Variants in CFAP20DC observed in about 807,000 individuals in gnomAD.
CFAP20DC encodes protein CFAP20DC.
Under a neutral mutation model 101.7 loss-of-function variants are expected in CFAP20DC, and 84 were observed. The ratio of observed to expected loss-of-function variants is 0.83; its 90% CI spans 0.69 to 0.99. The LOEUF (loss-of-function observed/expected upper bound fraction) is 0.99. Ranked by LOEUF, CFAP20DC falls within the 50% of genes least tolerant of loss-of-function variation. The pLI, the probability that CFAP20DC is intolerant of heterozygous loss-of-function variation, is 0.00. For synonymous variants in CFAP20DC, 359 were observed against 351.2 expected (o/e 1.02, Z -0.25); for missense variants, 1,007 against 970.3 (o/e 1.04, Z -0.50).
chr3:59,045,774 A>AT (rs1699805477), intron 3 of CFAP20DC, among the ~76,000 whole-genome samples: 1 of 152,024 alleles, frequency 6.6e-6, no homozygotes, highest in Non-Finnish European at 1.5e-5. Context: ...CTTCTGATAC[A>AT]TTTTTTCTCA....
At chr3:59,046,598 T>A (rs1427174409) in intron 2 of CFAP20DC, among the ~76,000 whole-genome samples, 2 of 151,576 alleles carry the variant, frequency 1.3e-5, no homozygotes, top group African/African-American at 4.9e-5. Context: ...GGGAGATAAA[T>A]AAAATAAATA....
At chr3:58,741,678 A>C (rs1194847860), downstream of CFAP20DC, among the ~76,000 whole-genome samples, 3 of 151,924 alleles carry the variant, frequency 2.0e-5, no homozygotes, top group Non-Finnish European at 4.4e-5. Flanking sequence ...TTGTATTTTT[A>C]GTAGAGATGG....
intron 6 of CFAP20DC, among the ~76,000 whole-genome samples, chr3:58,902,199 GA>G (rs2083207512): frequency 6.6e-6 from 1 of 152,146 alleles, no homozygotes; most frequent in Non-Finnish European, 1.5e-5. Flanking sequence ...ATTTGTTGAT[GA>G]ACACTTGGGC....
rs559212088 is a variant in CFAP20DC at position 59,007,140 on chromosome 3, A to G, written c.278+32417T>C. On this transcript the variant is annotated intron_variant, in intron 4 of 16. Transcript: ENST00000482387. The surrounding 1 kb of genome is among the most constrained non-coding windows in gnomAD (Gnocchi z 4.4). The stretch of plus-strand genomic sequence containing the variant: ...ATACTTCCCTCTGGAACAAAACCCC[A>G]TTGGCCTGAGAACCACCCCCAACTC... Among the ~76,000 whole-genome samples, 5 of 152,058 alleles carry G rather than the reference A, an allele frequency of 3.3e-5. No individual in the cohort carries two copies. The highest frequency in any genetic ancestry group is 1.2e-4 in the African/African-American group (5 of 41,394).
intron 4 of CFAP20DC, among the ~76,000 whole-genome samples, chr3:58,984,756 T>C (rs1392616900): frequency 2.6e-5 from 4 of 152,278 alleles, no homozygotes; most frequent in East Asian, 3.9e-4. Flanking sequence ...CATTTGGATA[T>C]AGCACCACAG....
rs1218139639 is a variant in CFAP20DC at position 58,728,511 on chromosome 3, G to A, written c.198-10883C>T. On this transcript the variant is annotated intron_variant, in intron 3 of 3. Transcript: ENST00000486145. The surrounding 1 kb of genome is among the most constrained non-coding windows in gnomAD (Gnocchi z 4.7). ...TCTTTCAGATATTATTTGGGTTAAT[G>A]AGGAAATTGGACATGGCCTTAGGAT... is the stretch of plus-strand genomic sequence containing the variant. Among the ~76,000 whole-genome samples, 4 of 152,218 alleles carry A rather than the reference G, an allele frequency of 2.6e-5. No individual in the cohort carries two copies. Among genetic ancestry groups the A allele is most frequent in the Non-Finnish European group, 5.9e-5 (4 of 68,038 alleles).
At chr3:58,915,435 C>T (rs1046474247) in intron 5 of CFAP20DC, among the ~76,000 whole-genome samples, 1 of 152,036 alleles carries the variant, frequency 6.6e-6, no homozygotes, top group African/African-American at 2.4e-5. Flanking sequence ...AAACGTGGTT[C>T]CTAGTCCTAA....
At chr3:58,963,527 G>A (rs764847623) in intron 4 of CFAP20DC, among the ~76,000 whole-genome samples, 11 of 151,772 alleles carry the variant, frequency 7.2e-5, no homozygotes, top group Non-Finnish European at 1.2e-4. Context: ...TACTACCCTT[G>A]GGAAAGATAA....
At chr3:58,719,732 C>T (rs1431731371) in intron 3 of CFAP20DC, among the ~76,000 whole-genome samples, 1 of 152,220 alleles carries the variant, frequency 6.6e-6, no homozygotes, top group African/African-American at 2.4e-5. Flanking sequence ...TCCCAAAGAG[C>T]CAGCTCAGGC....
chr3:58,828,844 G>A (rs1194375948), intron 14 of CFAP20DC, among the ~76,000 whole-genome samples: 2 of 152,008 alleles, frequency 1.3e-5, no homozygotes, highest in African/African-American at 4.8e-5. Flanking sequence ...TGGGATTAAG[G>A]GGAAAAAAGA....
intron 5 of CFAP20DC, 137 bp downstream of exon 5, chr3:58,937,511 G>A (rs2087873245): frequency 1.6e-6 from 1 of 631,668 alleles, no homozygotes; most frequent in Non-Finnish European, 2.8e-6. Context: ...CAAGAGAGGG[G>A]AAGGAAGGCC....
At chr3:59,005,228 C>T (rs2108793633) in intron 4 of CFAP20DC, among the ~76,000 whole-genome samples, 1 of 152,198 alleles carries the variant, frequency 6.6e-6, no homozygotes. Flanking sequence ...TTTCCTTGGC[C>T]TCAGCTCTAG....
chr3:59,020,183 A>T (rs1219610246), intron 4 of CFAP20DC, among the ~76,000 whole-genome samples: 1 of 152,146 alleles, frequency 6.6e-6, no homozygotes, highest in Admixed American at 6.5e-5. Context: ...GTTTTAAATC[A>T]CTCAGTGTTA....
chr3:58,934,658 C>T (rs2087259467), intron 5 of CFAP20DC, among the ~76,000 whole-genome samples: 1 of 152,088 alleles, frequency 6.6e-6, no homozygotes, highest in South Asian at 2.1e-4. Context: ...ATAAACAGAA[C>T]CAAAGACAAA....
At chr3:58,940,876 A>G (rs2088456641) in intron 4 of CFAP20DC, among the ~76,000 whole-genome samples, 1 of 152,178 alleles carries the variant, frequency 6.6e-6, no homozygotes, top group Non-Finnish European at 1.5e-5. Context: ...AATGATACTG[A>G]TCATGTCTAC....
At position 58,892,739 on chromosome 3, in the gene CFAP20DC, T is replaced by A. The variant is rs911978937; in HGVS notation, c.551-8030A>T. On this transcript the variant is annotated intron_variant, in intron 6 of 16. Coordinates refer to ENST00000482387, the MANE Select transcript of CFAP20DC (RefSeq NM_001394063.1). The surrounding 1 kb of genome is among the most constrained non-coding windows in gnomAD (Gnocchi z 4.0). Reference sequence around the variant, plus strand: ...CAGCTTAAAAAGCTTTAGGCTGAGATGATGCGGTTTTCTAGATATAGGATC... The same window carrying A: ...CAGCTTAAAAAGCTTTAGGCTGAGAAGATGCGGTTTTCTAGATATAGGATC... 6.6e-6 allele frequency among the ~76,000 whole-genome samples: 1 copy of A among 152,224 alleles called. No homozygotes were observed. The highest frequency in any genetic ancestry group is 1.5e-5 in the Non-Finnish European group (1 of 68,032).
At chr3:58,928,220 C>G (rs773608865) in intron 5 of CFAP20DC, among the ~76,000 whole-genome samples, 2 of 152,042 alleles carry the variant, frequency 1.3e-5, no homozygotes, top group African/African-American at 4.8e-5. Context: ...GGAAAACAGA[C>G]AAGTAAATAG....
chr3:58,973,706 A>G (rs2092094598), intron 4 of CFAP20DC, among the ~76,000 whole-genome samples: 1 of 152,212 alleles, frequency 6.6e-6, no homozygotes, highest in Non-Finnish European at 1.5e-5. Context: ...GACTATCATG[A>G]AACAATTCCT....
At chr3:59,039,110 G>T (rs947347862) in intron 4 of CFAP20DC, among the ~76,000 whole-genome samples, 3 of 151,866 alleles carry the variant, frequency 2.0e-5, no homozygotes, top group Admixed American at 1.3e-4. Context: ...CAAATATATT[G>T]CTAGCTGCTA....
Sources: allele counts gnomAD v4.1 joint callset (sites outside exome capture counted in the v4.1 genomes callset), GRCh38; gene constraint gnomAD v4.1.1; non-coding constraint Gnocchi (gnomAD v3.1); transcripts MANE v1.5; gene names NCBI Gene and HGNC (gene_info 2026-07-23, HGNC 2026-07-21).